The following MDGA2 variants were observed in gnomAD, a reference collection of about 807,000 sequenced individuals.
The protein encoded by MDGA2 is MAM domain containing glycosylphosphatidylinositol anchor 2.
Under a neutral mutation model 117.8 loss-of-function variants are expected in MDGA2, and 40 were observed. The ratio of observed to expected loss-of-function variants is 0.34; its 90% confidence interval spans 0.26 to 0.44. The LOEUF (loss-of-function observed/expected upper bound fraction) is 0.44, where lower values mean the gene tolerates loss of function less well. Among genes scored for constraint, MDGA2 ranks in the 20% least tolerant of loss-of-function variants. The probability of loss-of-function intolerance (pLI) is 1.00; values close to 1 mark genes in which losing one functional copy is unlikely to be tolerated. For synonymous variants in MDGA2, 452 were observed against 439.0 expected, an observed-to-expected ratio of 1.03 and a Z score of -0.37; for missense variants, 1,123 against 1,250.6, an observed-to-expected ratio of 0.90 and a Z score of 1.54.
intron 8 of MDGA2, among the ~76,000 whole-genome samples, chr14:47,023,892 T>C (rs1391205219): frequency 6.6e-6 from 1 of 151,926 alleles, no homozygotes; most frequent in Non-Finnish European, 1.5e-5. Flanking sequence ...AGCAAGAGAG[T>C]ATAGAGTAAG....
chr14:46,907,960 A>G (rs1169750978), intron 10 of MDGA2, among the ~76,000 whole-genome samples: 1 of 152,200 alleles, frequency 6.6e-6, no homozygotes, highest in African/African-American at 2.4e-5. Flanking sequence ...CCTAGGAATT[A>G]GCATATTATG....
chr14:47,170,933 T>A (rs1451037446), intron 3 of MDGA2, among the ~76,000 whole-genome samples: 1 of 152,170 alleles, frequency 6.6e-6, no homozygotes, highest in Non-Finnish European at 1.5e-5. Flanking sequence ...TTTAAATGTT[T>A]CGCTTTGTGG....
At chr14:47,415,330 C>G (rs1892452439) in intron 1 of MDGA2, among the ~76,000 whole-genome samples, 1 of 152,124 alleles carries the variant, frequency 6.6e-6, no homozygotes, top group Admixed American at 6.5e-5. Flanking sequence ...ATCATCCTAT[C>G]TTGTTTAAAA....
At chr14:47,491,023 G>A (rs1034207150) in intron 1 of MDGA2, among the ~76,000 whole-genome samples, 4 of 151,954 alleles carry the variant, frequency 2.6e-5, no homozygotes, top group African/African-American at 4.8e-5. Flanking sequence ...TTTGATACTC[G>A]GACAGTGGGT....
chr14:47,352,175 A>G (rs1202911331), intron 1 of MDGA2, among the ~76,000 whole-genome samples: 1 of 152,156 alleles, frequency 6.6e-6, no homozygotes, highest in Admixed American at 6.6e-5. Flanking sequence ...AGCCTCAGCA[A>G]CTTACCTGGG....
intron 2 of MDGA2, among the ~76,000 whole-genome samples, chr14:47,225,040 G>A (rs1886434952): frequency 6.6e-6 from 1 of 152,010 alleles, no homozygotes; most frequent in South Asian, 2.1e-4. Context: ...TATAAAAAAA[G>A]AACCACAATT....
intron 1 of MDGA2, among the ~76,000 whole-genome samples, chr14:47,554,138 T>C (rs533947938): frequency 2.0e-5 from 3 of 152,286 alleles, no homozygotes; most frequent in Non-Finnish European, 4.4e-5. Flanking sequence ...GGGAGTTCCA[T>C]TAGAGGTGAT....
chr14:47,363,485 G>A lies in MDGA2; in HGVS notation c.281-61935C>T, dbSNP rs1468943318. Reference sequence around the variant, plus strand: ...GTTGGCCAGGCTGGTCATGAACTCCGGACCTCAAGTGATTCGCACACCTCA... The same window carrying A: ...GTTGGCCAGGCTGGTCATGAACTCCAGACCTCAAGTGATTCGCACACCTCA... On this transcript the variant is annotated intron_variant, in intron 1 of 16. Transcript: ENST00000399232. 9.9e-5 allele frequency among the ~76,000 whole-genome samples: 15 copies of A among 151,942 alleles called. No homozygotes were observed. The South Asian group carries it at 1.2e-3, about 13-fold the overall frequency.
chr14:46,961,046 T>G (rs958021086), intron 8 of MDGA2, among the ~76,000 whole-genome samples: 3 of 151,988 alleles, frequency 2.0e-5, no homozygotes, highest in African/African-American at 7.2e-5. Flanking sequence ...AATTCCACTG[T>G]CTTCAGATGG....
At chr14:47,350,370 A>C (rs1890851753) in intron 1 of MDGA2, among the ~76,000 whole-genome samples, 1 of 152,222 alleles carries the variant, frequency 6.6e-6, no homozygotes, top group South Asian at 2.1e-4. Context: ...CTGTCCAGTT[A>C]AGCTACAGCA....
intron 8 of MDGA2, among the ~76,000 whole-genome samples, chr14:46,961,081 C>A (rs1332558019): frequency 6.6e-6 from 1 of 151,952 alleles, no homozygotes. Flanking sequence ...AAGAGGTCAA[C>A]TCAAAGTCTC....
chr14:47,078,599 G>A (rs1362704320), intron 6 of MDGA2, among the ~76,000 whole-genome samples: 1 of 152,080 alleles, frequency 6.6e-6, no homozygotes, highest in Non-Finnish European at 1.5e-5. Flanking sequence ...AAATTTGGGG[G>A]AAAATTATTA....
chr14:47,005,089 A>G (rs1887664914), intron 8 of MDGA2, among the ~76,000 whole-genome samples: 1 of 151,592 alleles, frequency 6.6e-6, no homozygotes, highest in Non-Finnish European at 1.5e-5. Context: ...GATGCGATTT[A>G]TGTTTTTTCC....
At chr14:47,059,076 G>T in intron 7 of MDGA2, 1 of 1,022,770 alleles carries the variant, frequency 9.8e-7, no homozygotes, top group Non-Finnish European at 1.2e-6. Context: ...TACAATAAGG[G>T]CAGTAAGAGG....
chr14:46,920,266 ATT>A (rs1284972493), intron 9 of MDGA2, 106 bp from the exon 10 acceptor site: 1 of 1,089,784 alleles, frequency 9.2e-7, no homozygotes, highest in East Asian at 2.9e-5. Flanking sequence ...TTCATTAGTA[ATT>A]ATAAAATCCA....
chr14:47,325,743 G>A lies in MDGA2; in HGVS notation c.281-24193C>T, dbSNP rs1890123313. 1.3e-5 allele frequency among the ~76,000 whole-genome samples: 2 copies of A among 152,094 alleles called. 1 individual carries two copies. The highest frequency in any genetic ancestry group is 4.1e-4 in the South Asian group (2 of 4,830). On this transcript the variant is annotated intron_variant, in intron 1 of 16. Transcript: ENST00000399232. Reference sequence around the variant, plus strand: ...ACAAGGCTCAGAAATATCTGATAATGGAGTACAGTGAAGAAATAAAGCAAT... The same window carrying A: ...ACAAGGCTCAGAAATATCTGATAATAGAGTACAGTGAAGAAATAAAGCAAT...
At chr14:47,369,197 C>T (rs1289902222) in intron 1 of MDGA2, among the ~76,000 whole-genome samples, 1 of 151,910 alleles carries the variant, frequency 6.6e-6, no homozygotes, top group Admixed American at 6.6e-5. Context: ...TAAATATTTC[C>T]AATGACAGTA....
At chr14:47,484,131 A>T (rs938916870) in intron 1 of MDGA2, among the ~76,000 whole-genome samples, 2 of 152,154 alleles carry the variant, frequency 1.3e-5, no homozygotes, top group Non-Finnish European at 2.9e-5. Context: ...TTTCCTTCAC[A>T]GATTTATCAC....
At chr14:47,267,619 C>A (rs535351692) in intron 2 of MDGA2, among the ~76,000 whole-genome samples, 2 of 152,104 alleles carry the variant, frequency 1.3e-5, no homozygotes, top group South Asian at 4.1e-4. Context: ...CATATCTGAA[C>A]AATATCTGTT....
Sources: allele counts gnomAD v4.1 joint callset (sites outside exome capture counted in the v4.1 genomes callset), GRCh38; gene constraint gnomAD v4.1.1; transcripts MANE v1.5; gene names NCBI Gene and HGNC (gene_info 2026-07-23, HGNC 2026-07-21).